KIAA1671: variants seen among roughly 807,000 people sequenced by gnomAD.
The protein encoded by KIAA1671 is uncharacterized protein KIAA1671.
A neutral mutation model predicts 131.2 loss-of-function variants in KIAA1671; 52 were observed. That is an observed-to-expected ratio of 0.40 (90% CI 0.32 to 0.50). The LOEUF is 0.50. Among genes scored for constraint, KIAA1671 ranks in the 20% least tolerant of loss-of-function variants. The probability of loss-of-function intolerance (pLI) is 0.73; values close to 1 mark genes in which losing one functional copy is unlikely to be tolerated. For missense variants in KIAA1671, 2,360 were observed against 2,364.2 expected, an observed-to-expected ratio of 1.00 and a Z score of 0.04; for synonymous variants, 1,003 against 961.6, an observed-to-expected ratio of 1.04 and a Z score of -0.80.
At chr22:25,090,023 A>C (rs1488668198) in intron 6 of KIAA1671, among the ~76,000 whole-genome samples, 1 of 152,158 alleles carries the variant, frequency 6.6e-6, no homozygotes, top group African/African-American at 2.4e-5. Context: ...GACATAAACC[A>C]GGTCTGCTGT....
chr22:25,039,161 C>G lies in KIAA1671; in HGVS notation c.2031C>G (p.Asp677Glu). The G allele has an allele frequency of 1.3e-6, 2 of 1,551,760 alleles. No individual in the cohort carries two copies. The highest frequency in any genetic ancestry group is 1.7e-6 in the Non-Finnish European group (2 of 1,147,070). ...KLKKENSRGF[D>E]NPETEKLGPT... The stretch of plus-strand genomic sequence containing the variant: ...AGAAAGAGAACTCCAGAGGGTTTGA[C>G]AATCCCGAGACGGAGAAATTGGGAC... The change falls in exon 5 of 13, where the codon GAC becomes GAG. Residue 677 changes from aspartate (D) to glutamate (E), a missense_variant. Physicochemically the swap from Asp to Glu is conservative, Grantham distance 45. Coordinates refer to ENST00000358431, the MANE Select transcript of KIAA1671 (RefSeq NM_001145206.2).
chr22:25,123,409 G>T (rs1233011587), intron 6 of KIAA1671, among the ~76,000 whole-genome samples: 2 of 152,026 alleles, frequency 1.3e-5, no homozygotes, highest in African/African-American at 4.8e-5. Context: ...AACCAGGATG[G>T]TCTCGATTTC....
At position 25,041,408 on chromosome 22, in the gene KIAA1671, T is replaced by C; in HGVS notation, c.4278T>C (p.His1426=). The C allele has an allele frequency of 6.4e-7, 1 of 1,551,718 alleles. No individual in the cohort carries two copies. The highest frequency in any genetic ancestry group is 1.4e-5 in the African/African-American group (1 of 73,152). The part of the protein sequence containing the change: ...ANIREGLSIM[H]EARERRREQP... ...TCCGAGAGGGCCTGTCCATCATGCA[T>C]GAAGCCAGAGAGAGGAGGCGAGAGC... is the stretch of plus-strand genomic sequence containing the variant. The change falls in exon 5 of 13, where the codon CAT becomes CAC. Residue 1426 remains histidine (H), a synonymous_variant. Coordinates refer to ENST00000358431, the MANE Select transcript of KIAA1671 (RefSeq NM_001145206.2).
intron 6 of KIAA1671, among the ~76,000 whole-genome samples, chr22:25,133,498 A>G (rs946339466): frequency 2.6e-5 from 4 of 152,188 alleles, no homozygotes; most frequent in African/African-American, 4.8e-5. Flanking sequence ...CTGTTCTTCG[A>G]ATTGTCTTTA....
chr22:25,005,048 A>T (rs1245675387), intron 1 of KIAA1671, among the ~76,000 whole-genome samples: 1 of 149,602 alleles, frequency 6.7e-6, no homozygotes, highest in Non-Finnish European at 1.5e-5. Flanking sequence ...GGCAAAGGTT[A>T]TATTAGAAAT....
intron 6 of KIAA1671, among the ~76,000 whole-genome samples, chr22:25,082,617 G>C (rs1289214544): frequency 6.6e-6 from 1 of 152,168 alleles, no homozygotes; most frequent in Non-Finnish European, 1.5e-5. Flanking sequence ...AGGATCACTT[G>C]AACCCAGGAG....
At chr22:25,045,376 C>T (rs1927166441) in intron 5 of KIAA1671, among the ~76,000 whole-genome samples, 1 of 152,178 alleles carries the variant, frequency 6.6e-6, no homozygotes, top group Non-Finnish European at 1.5e-5. Context: ...ATTAGCGTCT[C>T]ATGGGTAGAA....
chr22:25,117,512 T>C (rs996220571), intron 6 of KIAA1671, among the ~76,000 whole-genome samples: 7 of 150,630 alleles, frequency 4.6e-5, no homozygotes, highest in Admixed American at 2.0e-4. Flanking sequence ...CGAGTGGGAG[T>C]ATTTGCTTCT....
intron 9 of KIAA1671, among the ~76,000 whole-genome samples, chr22:25,179,945 A>G (rs1304185532): frequency 1.3e-5 from 2 of 152,170 alleles, no homozygotes; most frequent in Non-Finnish European, 2.9e-5. Flanking sequence ...CCTGAGCTGA[A>G]TCTTGAAGAA....
intron 6 of KIAA1671, chr22:25,055,717 C>A (rs2145828211): frequency 6.7e-6 from 1 of 149,814 alleles, no homozygotes; most frequent in East Asian, 2.0e-4. Context: ...AAGTCCTTTG[C>A]CCATTTTTGA....
At chr22:25,070,323 G>A (rs562091903) in intron 6 of KIAA1671, 11 of 424,880 alleles carry the variant, frequency 2.6e-5, no homozygotes, top group African/African-American at 2.2e-4. Flanking sequence ...GAGGAAAGCT[G>A]GAAACCGTAC....
Position 25,041,105 on chromosome 22 carries a change from T to C in KIAA1671, c.3975T>C (p.Ala1325=). 6.5e-7 allele frequency: 1 copy of C among 1,546,708 alleles called. No homozygotes were observed. The highest frequency in any genetic ancestry group is 8.7e-7 in the Non-Finnish European group (1 of 1,144,052). Residue 1325 remains alanine, a synonymous_variant, in exon 5 of 13, where the codon GCT becomes GCC. Coordinates refer to ENST00000358431, the MANE Select transcript of KIAA1671 (RefSeq NM_001145206.2). ...ATCCCAGGAAAAAAACGGGGTTTGC[T>C]GAGGATGACAGAAAGGCCTTTGCCA... is the stretch of plus-strand genomic sequence containing the variant. ...PADPRKKTGF[A]EDDRKAFASK...
chr22:25,087,760 C>T (rs913222289), intron 6 of KIAA1671, among the ~76,000 whole-genome samples: 6 of 152,126 alleles, frequency 3.9e-5, no homozygotes, highest in Non-Finnish European at 7.4e-5. Context: ...GGAGCTTTGG[C>T]GGGTGAACAG....
At chr22:25,079,693 C>T (rs1304215487) in intron 6 of KIAA1671, among the ~76,000 whole-genome samples, 1 of 152,178 alleles carries the variant, frequency 6.6e-6, no homozygotes, top group Admixed American at 6.5e-5. Context: ...GTGGCTGCAG[C>T]AGACTGGGTG....
At chr22:25,042,723 T>C (rs1047031192) in intron 5 of KIAA1671, among the ~76,000 whole-genome samples, 2 of 152,024 alleles carry the variant, frequency 1.3e-5, no homozygotes, top group Non-Finnish European at 2.9e-5. Flanking sequence ...TCCGCCCACC[T>C]TGACCTCCCA....
chr22:25,136,004 A>G (rs1463825402), intron 6 of KIAA1671, among the ~76,000 whole-genome samples: 2 of 152,218 alleles, frequency 1.3e-5, no homozygotes, highest in African/African-American at 4.8e-5. Context: ...GGCTTGCCCA[A>G]GGTCACACAG....
chr22:24,983,405 G>A (rs1923333764), intron 1 of KIAA1671, among the ~76,000 whole-genome samples: 1 of 151,982 alleles, frequency 6.6e-6, no homozygotes, highest in Non-Finnish European at 1.5e-5. Flanking sequence ...TTTTTTATAA[G>A]GACACTAGTC....
At chr22:24,956,013 A>C (rs1322165280) in intron 1 of KIAA1671, among the ~76,000 whole-genome samples, 1 of 147,698 alleles carries the variant, frequency 6.8e-6, no homozygotes, top group Non-Finnish European at 1.5e-5. Flanking sequence ...CGACAGAGTG[A>C]GACTCCGTCT....
At chr22:24,978,030 A>G (rs990311171) in intron 1 of KIAA1671, among the ~76,000 whole-genome samples, 1 of 152,152 alleles carries the variant, frequency 6.6e-6, no homozygotes, top group Non-Finnish European at 1.5e-5. Context: ...CGTATTGAAC[A>G]CATGCTGTGA....
Sources: gnomAD v4.1 joint callset for allele counts (sites outside exome capture counted in the v4.1 genomes callset) on GRCh38, gnomAD v4.1.1 for gene constraint, MANE v1.5 for transcripts, NCBI Gene and HGNC (gene_info 2026-07-23, HGNC 2026-07-21) for gene names.